Variants in CCDC77 observed in about 807,000 individuals in gnomAD.
CCDC77 encodes the protein coiled-coil domain-containing protein 77.
Under a neutral mutation model 66.8 loss-of-function variants are expected in CCDC77, and 56 were observed. That is an observed-to-expected ratio of 0.84 (90% CI 0.68 to 1.05). The LOEUF (loss-of-function observed/expected upper bound fraction) is 1.05, where lower values mean the gene tolerates loss of function less well. Ranked by LOEUF, CCDC77 falls within the 50% of genes least tolerant of loss-of-function variation. The pLI is 0.00. For synonymous variants in CCDC77, 196 were observed against 195.2 expected (o/e 1.00, Z -0.03); for missense variants, 570 against 576.8 (o/e 0.99, Z 0.12).
chr12:426,326 G>A (rs1474169633), intron 5 of CCDC77, among the ~76,000 whole-genome samples: 1 of 152,190 alleles, frequency 6.6e-6, no homozygotes, highest in African/African-American at 2.4e-5. Context: ...CTTACCATGT[G>A]CCTGAGACTA....
At chr12:427,857 C>A (rs568956375) in intron 5 of CCDC77, among the ~76,000 whole-genome samples, 1 of 152,248 alleles carries the variant, frequency 6.6e-6, no homozygotes, top group East Asian at 1.9e-4. Flanking sequence ...ACAGACTGTA[C>A]AGTGGAGATT....
chr12:402,815 A>G (rs895606997), intron 1 of CCDC77, among the ~76,000 whole-genome samples: 1 of 152,244 alleles, frequency 6.6e-6, no homozygotes. Flanking sequence ...CAAGATATTC[A>G]TATGGTTAGA....
chr12:398,677 C>T (rs529223228), upstream of CCDC77, among the ~76,000 whole-genome samples: 23 of 152,250 alleles, frequency 1.5e-4, no homozygotes, highest in South Asian at 2.7e-3. Context: ...GAATTAACTT[C>T]TTCCAAACTC....
At chr12:409,640 C>A in intron 3 of CCDC77, 1 of 543,940 alleles carries the variant, frequency 1.8e-6, no homozygotes, top group Non-Finnish European at 3.3e-6. Flanking sequence ...CCTCAGCCTC[C>A]CAGAGTGCTG....
At chr12:420,562 G>A (rs1366773035) in intron 5 of CCDC77, among the ~76,000 whole-genome samples, 9 of 38,322 alleles carry the variant, frequency 2.3e-4, no homozygotes, top group South Asian at 2.9e-3. Flanking sequence ...CTGGGAGTGA[G>A]AGGGTAAAAT....
chr12:435,340 C>T (rs956158452), intron 9 of CCDC77, among the ~76,000 whole-genome samples: 23 of 152,020 alleles, frequency 1.5e-4, no homozygotes, highest in Admixed American at 1.4e-3. Flanking sequence ...CTCCCATCCC[C>T]GTCTCAAGCC....
intron 1 of CCDC77, among the ~76,000 whole-genome samples, chr12:395,500 C>T (rs1944815802): frequency 6.6e-6 from 1 of 151,870 alleles, no homozygotes; most frequent in Non-Finnish European, 1.5e-5. Context: ...GTGGGTTCCT[C>T]ATTTAGAGAG....
At chr12:431,282 G>A (rs187013053) in intron 7 of CCDC77, among the ~76,000 whole-genome samples, 1 of 147,366 alleles carries the variant, frequency 6.8e-6, no homozygotes, top group Admixed American at 6.9e-5. Context: ...GCAATGGCGC[G>A]ATCTTGGCTC....
At chr12:392,923 A>G (rs1172357976) in intron 1 of CCDC77, among the ~76,000 whole-genome samples, 3 of 152,012 alleles carry the variant, frequency 2.0e-5, no homozygotes, top group Admixed American at 6.6e-5. Context: ...AAAACAAAAA[A>G]ATCTGGTGAG....
intron 9 of CCDC77, among the ~76,000 whole-genome samples, chr12:435,248 A>G (rs1945729716): frequency 6.7e-6 from 1 of 149,936 alleles, no homozygotes; most frequent in African/African-American, 2.5e-5. Context: ...CCGTTTCCAA[A>G]TGCTCCCATC....
Position 395,462 on chromosome 12 carries a change from G to A in CCDC77, c.-113+5976G>A, listed in dbSNP as rs188577811. Among the ~76,000 whole-genome samples the A allele has an allele frequency of 2.1e-3, 319 of 152,248 alleles. 2 individuals are homozygous for A. The highest frequency in any genetic ancestry group is 7.3e-3 in the African/African-American group (305 of 41,532). ...AATTGCTAAATGAATATCCAATCAG[G>A]AGGGATTACAGCTAGCCTTCCATAT... On this transcript the variant is annotated intron_variant, in intron 1 of 11. Transcript: ENST00000422000.
At chr12:391,948 G>A (rs569511915) in intron 1 of CCDC77, among the ~76,000 whole-genome samples, 4 of 152,100 alleles carry the variant, frequency 2.6e-5, no homozygotes, top group Non-Finnish European at 4.4e-5. Context: ...CTTCCCTCAG[G>A]GGGGGCACAT....
At chr12:413,733 T>C (rs1411169461) in intron 4 of CCDC77, among the ~76,000 whole-genome samples, 1 of 150,488 alleles carries the variant, frequency 6.6e-6, no homozygotes, top group Non-Finnish European at 1.5e-5. Context: ...GTTCAAGCAA[T>C]TCTCCTGCCT....
At chr12:428,671 G>T in intron 5 of CCDC77, 98 bp from the exon 6 acceptor site, 1 of 644,436 alleles carries the variant, frequency 1.6e-6, no homozygotes. Context: ...GGTTACAATT[G>T]TTTTAAAAAA....
At chr12:426,831 T>C (rs900567563) in intron 5 of CCDC77, among the ~76,000 whole-genome samples, 10 of 152,138 alleles carry the variant, frequency 6.6e-5, no homozygotes, top group Non-Finnish European at 1.2e-4. Context: ...TTCCCCAGTA[T>C]ACAGTTACTT....
At chr12:437,898 T>C (rs1183517249) in intron 9 of CCDC77, among the ~76,000 whole-genome samples, 1 of 152,092 alleles carries the variant, frequency 6.6e-6, no homozygotes, top group East Asian at 1.9e-4. Context: ...GATAAGATTT[T>C]GATATAGGCA....
At chr12:407,782 ATTTTTTTTT>A (rs386375348) in intron 2 of CCDC77, among the ~76,000 whole-genome samples, 3 of 100,436 alleles carry the variant, frequency 3.0e-5, no homozygotes, top group Admixed American at 1.4e-4. Context: ...AGGACTGAAG[ATTTTTTTTT>A]TTTTTTTTTT....
chr12:423,033 T>A (rs1357410300), intron 5 of CCDC77, among the ~76,000 whole-genome samples: 2 of 151,842 alleles, frequency 1.3e-5, no homozygotes, highest in Non-Finnish European at 2.9e-5. Flanking sequence ...CATTTTATAT[T>A]CCCACCAGCA....
At chr12:414,779 C>G (rs925607084) in intron 4 of CCDC77, among the ~76,000 whole-genome samples, 1 of 151,392 alleles carries the variant, frequency 6.6e-6, no homozygotes, top group Non-Finnish European at 1.5e-5. Flanking sequence ...ATTCTGCTTC[C>G]TAAATATTAC....
Sources: gnomAD v4.1 joint callset for allele counts (sites outside exome capture counted in the v4.1 genomes callset) on GRCh38, gnomAD v4.1.1 for gene constraint, MANE v1.5 for transcripts, NCBI Gene and HGNC (gene_info 2026-07-23, HGNC 2026-07-21) for gene names.